Variants in DHX36 observed in about 807,000 individuals in gnomAD.
DHX36 encodes the protein DEAH-box helicase 36.
DHX36 carries 50 observed loss-of-function variants against 139.0 expected under a neutral mutation model. The observed-to-expected ratio is 0.36, with a 90% CI of 0.29 to 0.46. DHX36 has a LOEUF of 0.46. Among genes scored for constraint, DHX36 ranks in the 20% least tolerant of loss-of-function variants. DHX36 has a pLI of 1.00. For missense variants in DHX36, 1,024 were observed against 1,211.3 expected (o/e 0.85, Z 2.29); for synonymous variants, 425 against 401.9 (o/e 1.06, Z -0.69).
intron 12 of DHX36, among the ~76,000 whole-genome samples, chr3:154,299,545 G>A (rs1356984430): frequency 1.3e-5 from 2 of 152,122 alleles, no homozygotes; most frequent in Non-Finnish European, 2.9e-5. Flanking sequence ...GAAGCTCCAT[G>A]GGTGACTCTG....
At chr3:154,312,516 TAA>T (rs1712799037) in intron 3 of DHX36, among the ~76,000 whole-genome samples, 2 of 151,826 alleles carry the variant, frequency 1.3e-5, no homozygotes, top group South Asian at 2.1e-4. Flanking sequence ...GGCATAAAAA[TAA>T]AGTCAGCTTT....
At chr3:154,303,297 T>G (rs1413925839) in intron 9 of DHX36, 32 bp downstream of exon 9, 1 of 1,467,726 alleles carries the variant, frequency 6.8e-7, no homozygotes, top group South Asian at 1.2e-5. Context: ...TTAGTACTTT[T>G]TAATGTTTTT....
chr3:154,311,700 T>G, intron 3 of DHX36, 26 bp from the exon 4 acceptor site: 1 of 1,575,012 alleles, frequency 6.3e-7, no homozygotes. Flanking sequence ...AGTTTTAAAT[T>G]TTCACAGAAG....
intron 11 of DHX36, 24 bp from the exon 12 acceptor site, chr3:154,299,949 T>C (rs1260920714): frequency 1.3e-6 from 2 of 1,532,924 alleles, no homozygotes; most frequent in South Asian, 1.1e-5. Flanking sequence ...AAATAACCAT[T>C]ACAAAGGATC....
intron 13 of DHX36, 44 bp from the exon 14 acceptor site, chr3:154,293,856 C>T (rs779614655): frequency 8.0e-6 from 11 of 1,372,318 alleles, no homozygotes; most frequent in Non-Finnish European, 1.1e-5. Flanking sequence ...ACACTAACTT[C>T]TAATACATTA....
intron 12 of DHX36, among the ~76,000 whole-genome samples, 162 bp from the exon 13 acceptor site, chr3:154,295,501 A>C (rs1344794627): frequency 1.3e-5 from 2 of 152,188 alleles, no homozygotes; most frequent in Admixed American, 1.3e-4. Context: ...GAGTTGACAA[A>C]CTGCCCATGT....
chr3:154,311,169 T>A (rs1165413043), intron 4 of DHX36, among the ~76,000 whole-genome samples: 1 of 151,658 alleles, frequency 6.6e-6, no homozygotes, highest in Non-Finnish European at 1.5e-5. Context: ...TAAAATAAAA[T>A]AAAATAAGGT....
At chr3:154,298,772 G>A (rs575482353) in intron 12 of DHX36, among the ~76,000 whole-genome samples, 143 of 152,170 alleles carry the variant, frequency 9.4e-4, no homozygotes, top group Non-Finnish European at 1.7e-3. Flanking sequence ...AAAATTAGGC[G>A]GGCGTGGTGG....
intron 14 of DHX36, 118 bp from the exon 15 acceptor site, chr3:154,292,812 ATTTT>A (rs569137281): frequency 3.8e-6 from 5 of 1,313,716 alleles, no homozygotes; most frequent in African/African-American, 1.5e-5. Context: ...ATTTCAGAGC[ATTTT>A]TTTTTTATTA....
At chr3:154,287,598 A>G (rs1336968310) in intron 17 of DHX36, among the ~76,000 whole-genome samples, 1 of 152,066 alleles carries the variant, frequency 6.6e-6, no homozygotes, top group Non-Finnish European at 1.5e-5. Context: ...TGCAGGCTGC[A>G]GTGAGCCGAG....
chr3:154,310,834 T>TACATATATATATATATATGTATATAC (rs1559957800), intron 4 of DHX36, among the ~76,000 whole-genome samples: 16 of 73,088 alleles, frequency 2.2e-4, no homozygotes, highest in African/African-American at 8.5e-4. Flanking sequence ...TATATATATA[T>TACATATATATATATATATGTATATAC]ATATATATAT....
intron 1 of DHX36, among the ~76,000 whole-genome samples, chr3:154,322,999 T>C (rs942714699): frequency 1.3e-5 from 2 of 152,108 alleles, no homozygotes; most frequent in African/African-American, 2.4e-5. Flanking sequence ...TGAATGAACA[T>C]GACATGGTTA....
rs1457449467 is a variant in DHX36, at chr3:154,280,675, G to C, written c.2477-6C>G. 1 of 1,611,462 alleles carries C rather than the reference G, an allele frequency of 6.2e-7. No individual in the cohort carries two copies. Among genetic ancestry groups the C allele is most frequent in the Admixed American group, 1.7e-5 (1 of 59,902 alleles). On this transcript the variant is annotated splice_region_variant and splice_polypyrimidine_tract_variant and intron_variant, in intron 21 of 24. Transcript: ENST00000496811. Reference sequence around the variant, plus strand: ...TTTAATTATCTTCTCATTATCTATGGGGGGTGAGAAGGTAGAGGGGAAAAG... The same window carrying C: ...TTTAATTATCTTCTCATTATCTATGCGGGGTGAGAAGGTAGAGGGGAAAAG...
intron 12 of DHX36, among the ~76,000 whole-genome samples, chr3:154,296,398 T>C (rs941189965): frequency 6.6e-6 from 1 of 151,976 alleles, no homozygotes; most frequent in African/African-American, 2.4e-5. Context: ...GGCGTGAACC[T>C]GGGAGGCGGA....
At chr3:154,306,385 T>C in intron 5 of DHX36, 90 bp from the exon 6 acceptor site, 1 of 1,079,226 alleles carries the variant, frequency 9.3e-7, no homozygotes, top group Non-Finnish European at 1.4e-6. Flanking sequence ...GTTGAAAAAT[T>C]GTTCTTCAGA....
rs1712940587 is a variant in DHX36, at chr3:154,315,368, A to G, written c.369-88T>C. On this transcript the variant is annotated intron_variant, in intron 2 of 24. Coordinates refer to ENST00000496811, the MANE Select transcript of DHX36 (RefSeq NM_020865.3). ...CAAAACAAAACAATACGCTGTTGAA[A>G]TATTTCAAAGTCATCCAAATCCAAA... is the stretch of plus-strand genomic sequence containing the variant. 7.8e-6 allele frequency: 7 copies of G among 900,170 alleles called. No individual in the cohort carries two copies. The Admixed American group carries it at 2.0e-4, about 26-fold the overall frequency. 55.8% of individuals were successfully genotyped at this position (900,170 alleles called of 1,614,324 possible).
At chr3:154,284,130 T>C (rs1320868855) in intron 19 of DHX36, among the ~76,000 whole-genome samples, 1 of 152,216 alleles carries the variant, frequency 6.6e-6, no homozygotes, top group East Asian at 1.9e-4. Context: ...TTCAGCTAAA[T>C]TTCAACATTC....
chr3:154,315,030 G>T lies in DHX36; in HGVS notation c.603+16C>A. On this transcript the variant is annotated intron_variant, in intron 3 of 24. Coordinates refer to ENST00000496811, the MANE Select transcript of DHX36 (RefSeq NM_020865.3). ...AGAAAAAAATGACAAAATATTTTTT[G>T]ACATCTTTCTACTACCTGCATTTCA... The T allele has an allele frequency of 6.5e-7, 1 of 1,529,060 alleles. No homozygotes were observed. Among genetic ancestry groups the T allele is most frequent in the South Asian group, 1.2e-5 (1 of 84,254 alleles). 94.7% of individuals were successfully genotyped at this position (1,529,060 alleles called of 1,614,324 possible).
intron 22 of DHX36, chr3:154,279,287 G>A (rs566132242): frequency 7.2e-5 from 11 of 152,192 alleles, no homozygotes; most frequent in African/African-American, 2.2e-4. Context: ...ACAAAAAAAG[G>A]ACAAAAACAA....
Sources: gnomAD v4.1 joint callset for allele counts (sites outside exome capture counted in the v4.1 genomes callset) on GRCh38, gnomAD v4.1.1 for gene constraint, MANE v1.5 for transcripts, NCBI Gene and HGNC (gene_info 2026-07-23, HGNC 2026-07-21) for gene names.